Variants in CASQ2 observed in about 807,000 individuals in gnomAD.
CASQ2 encodes calsequestrin 2, also known as calsequestrin-2.
A neutral mutation model predicts 46.5 loss-of-function variants in CASQ2; 49 were observed. The observed-to-expected ratio is 1.05, with a 90% confidence interval of 0.84 to 1.34. The LOEUF is 1.34. CASQ2 is among the 40% of genes most tolerant of loss of function. CASQ2 has a pLI of 0.00. For missense variants in CASQ2, 486 were observed against 481.3 expected (o/e 1.01, Z -0.09); for synonymous variants, 174 against 168.5 (o/e 1.03, Z -0.25).
intron 1 of CASQ2, among the ~76,000 whole-genome samples, chr1:115,766,477 T>C (rs981797111): frequency 6.6e-6 from 1 of 152,234 alleles, no homozygotes; most frequent in Non-Finnish European, 1.5e-5. Context: ...ATCAACATTA[T>C]TATTATTTAA....
chr1:115,754,375 AC>A (rs1557803771), intron 1 of CASQ2, among the ~76,000 whole-genome samples: 1 of 152,136 alleles, frequency 6.6e-6, no homozygotes, highest in Non-Finnish European at 1.5e-5. Context: ...CAAGGAAAAG[AC>A]CCAAGGGAAG....
intron 4 of CASQ2, among the ~76,000 whole-genome samples, chr1:115,737,573 T>C (rs904592031): frequency 6.6e-6 from 1 of 152,178 alleles, no homozygotes; most frequent in Non-Finnish European, 1.5e-5. Flanking sequence ...CTCAAGTGCT[T>C]ACTCCTCCTG....
intron 1 of CASQ2, among the ~76,000 whole-genome samples, chr1:115,767,567 T>C (rs1364901221): frequency 6.6e-6 from 1 of 152,146 alleles, no homozygotes; most frequent in African/African-American, 2.4e-5. Flanking sequence ...TCTTAAAGTG[T>C]AAGCCATCTT....
At chr1:115,758,309 A>G (rs1013558793) in intron 1 of CASQ2, among the ~76,000 whole-genome samples, 25 of 152,236 alleles carry the variant, frequency 1.6e-4, no homozygotes, top group Non-Finnish European at 3.2e-4. Flanking sequence ...AAAGCCCCAT[A>G]TTGGCATGGT....
chr1:115,766,618 T>C (rs1649139761), intron 1 of CASQ2, among the ~76,000 whole-genome samples: 1 of 152,208 alleles, frequency 6.6e-6, no homozygotes. Flanking sequence ...TAAATCCAGA[T>C]ATCCTGACTT....
intron 7 of CASQ2, among the ~76,000 whole-genome samples, chr1:115,723,365 AG>A (rs1274806879): frequency 1.3e-5 from 2 of 151,854 alleles, no homozygotes; most frequent in Non-Finnish European, 2.9e-5. Context: ...TGTAGCTAGA[AG>A]GGATGGTAAA....
intron 8 of CASQ2, among the ~76,000 whole-genome samples, chr1:115,711,966 G>T (rs1156914448): frequency 6.6e-6 from 1 of 152,062 alleles, no homozygotes; most frequent in African/African-American, 2.4e-5. Context: ...TTTGTTTTCA[G>T]CAGGCAGGTA....
At chr1:115,744,370 T>C (rs183848848) in intron 2 of CASQ2, among the ~76,000 whole-genome samples, 44 of 152,282 alleles carry the variant, frequency 2.9e-4, no homozygotes, top group African/African-American at 1.0e-3. Context: ...TAACCTTAAA[T>C]TTAAAAAGCA....
At position 115,702,950 on chromosome 1, in the gene CASQ2, G is replaced by A. The variant is rs28730713; in HGVS notation, c.985C>T (p.Pro329Ser). The change falls in exon 10 of 11, where the codon CCA (proline) becomes TCA (serine). Residue 329 changes from proline (P) to serine (S), a missense_variant. Pro to Ser is a moderately conservative substitution (Grantham distance 74). Coordinates refer to ENST00000261448, the MANE Select transcript of CASQ2 (RefSeq NM_001232.4). Reference sequence around the variant, plus strand: ...GTGACATTCACCACCCCAATCTGTGGCCTGAATAGGTCAATCTTGAAAGTC... The same window carrying A: ...GTGACATTCACCACCCCAATCTGTGACCTGAATAGGTCAATCTTGAAAGTC... Reference protein sequence around the residue: ...EKTFKIDLFRPQIGVVNVTDA... With the variant: ...EKTFKIDLFRSQIGVVNVTDA... 2.2e-4 allele frequency: 361 copies of A among 1,613,686 alleles called. No homozygotes were observed. Among genetic ancestry groups the A allele is most frequent in the Non-Finnish European group, 2.5e-4 (298 of 1,179,832 alleles).
Position 115,701,101 on chromosome 1 carries a change from A to C in CASQ2, c.*140T>G, listed in dbSNP as rs1268438401. 7.6e-7 allele frequency: 1 copy of C among 1,315,940 alleles called. No individual in the cohort carries two copies. The highest frequency in any genetic ancestry group is 1.2e-5 in the South Asian group (1 of 84,734). The allele number at this position is 1,315,940 out of a possible 1,614,324, so 81.5% of individuals were successfully genotyped here. A position where few individuals can be genotyped will look rare whatever the true frequency, so the allele number is the denominator to read the frequency against. On this transcript the variant is annotated 3_prime_UTR_variant, in exon 11 of 11. Transcript: ENST00000261448. Reference sequence around the variant, plus strand: ...TGCTGAATGATGCTGCTCCTGACGCAAAGGGAGTGGGAAAAGAGATGATGG... The same window carrying C: ...TGCTGAATGATGCTGCTCCTGACGCCAAGGGAGTGGGAAAAGAGATGATGG...
intron 5 of CASQ2, among the ~76,000 whole-genome samples, chr1:115,729,909 TCAGA>T (rs1343636161): frequency 4.6e-5 from 7 of 152,222 alleles, no homozygotes; most frequent in African/African-American, 1.4e-4. Flanking sequence ...CATTGTTCAC[TCAGA>T]CAGAGAGAGG....
In CASQ2 at chr1:115,732,979, G is replaced by C; in HGVS notation, c.533-5C>G. 1 of 1,608,172 alleles carries C rather than the reference G, an allele frequency of 6.2e-7. No individual in the cohort carries two copies. Among genetic ancestry groups the C allele is most frequent in the Non-Finnish European group, 8.5e-7 (1 of 1,174,836 alleles). ...CTTCTTCAAAAGCCTTGTAGTCTAAGGGGAAAAATAAAGATGAAGGGAGAG... is the reference window on the plus strand; with the variant it reads ...CTTCTTCAAAAGCCTTGTAGTCTAACGGGAAAAATAAAGATGAAGGGAGAG... On this transcript the variant is annotated splice_region_variant and splice_polypyrimidine_tract_variant and intron_variant, in intron 4 of 10. Transcript: ENST00000261448.
At chr1:115,706,498 G>C (rs994877322) in intron 8 of CASQ2, among the ~76,000 whole-genome samples, 3 of 152,206 alleles carry the variant, frequency 2.0e-5, no homozygotes, top group Non-Finnish European at 4.4e-5. Flanking sequence ...CTGGGAACCA[G>C]AGAGACCCTG....
intron 5 of CASQ2, among the ~76,000 whole-genome samples, chr1:115,729,959 A>G (rs188986359): frequency 6.6e-6 from 1 of 152,284 alleles, no homozygotes; most frequent in Non-Finnish European, 1.5e-5. Flanking sequence ...GATTTTAAGA[A>G]CTGATATTTT....
At chr1:115,706,180 G>C (rs1654354609) in intron 8 of CASQ2, among the ~76,000 whole-genome samples, 1 of 151,778 alleles carries the variant, frequency 6.6e-6, no homozygotes, top group Non-Finnish European at 1.5e-5. Context: ...GCGTGCGTGT[G>C]TGTATGTGTG....
chr1:115,753,109 C>T (rs1366378732), intron 1 of CASQ2, among the ~76,000 whole-genome samples: 2 of 152,176 alleles, frequency 1.3e-5, no homozygotes, highest in Admixed American at 1.3e-4. Context: ...GGAAGCTTCT[C>T]AGCATGGATT....
intron 1 of CASQ2, among the ~76,000 whole-genome samples, chr1:115,754,445 T>A (rs58890072): frequency 0.068 from 10,403 of 152,134 alleles, 1,213 homozygotes; most frequent in African/African-American, 0.24. Context: ...CAACAATTTT[T>A]AAAAAAGCAC....
chr1:115,732,957 C>G lies in CASQ2; in HGVS notation c.550G>C (p.Glu184Gln), dbSNP rs1647838367. ...TAAGGCTGGAAGTGTTCAGCTGCTT[C>G]TTCAAAAGCCTTGTAGTCTAAGGGG... The part of the protein sequence containing the change: ...EDSEYYKAFE[E>Q]AAEHFQPYIK... The change falls in exon 5 of 11, where the codon GAA (glutamate) becomes CAA (glutamine). Residue 184 changes from glutamate (E) to glutamine (Q), a missense_variant. Transcript: ENST00000261448. 1 of 1,613,292 alleles carries G rather than the reference C, an allele frequency of 6.2e-7. No individual in the cohort carries two copies. The highest frequency in any genetic ancestry group is 2.2e-5 in the East Asian group (1 of 44,852).
intron 8 of CASQ2, 52 bp from the exon 9 acceptor site, chr1:115,705,344 A>C (rs1413938884): frequency 1.7e-6 from 2 of 1,160,156 alleles, no homozygotes; most frequent in South Asian, 1.2e-5. Context: ...CACAGCTTCT[A>C]ATGTGGAGAG....
Sources: allele counts gnomAD v4.1 joint callset (sites outside exome capture counted in the v4.1 genomes callset), GRCh38; gene constraint gnomAD v4.1.1; transcripts MANE v1.5; gene names NCBI Gene and HGNC (gene_info 2026-07-23, HGNC 2026-07-21).